The following FARSB variants were observed in gnomAD, a reference collection of about 807,000 sequenced individuals.
FARSB encodes phenylalanyl-tRNA synthetase subunit beta.
FARSB carries 40 observed loss-of-function variants against 69.6 expected under a neutral mutation model. That is an observed-to-expected ratio of 0.57 (90% CI 0.45 to 0.75). FARSB has a LOEUF of 0.75. FARSB is among the 30% of genes least tolerant of loss of function. The pLI is 0.00. For synonymous variants in FARSB, 235 were observed against 247.2 expected (o/e 0.95, Z 0.46); for missense variants, 632 against 722.9 (o/e 0.87, Z 1.44).
At chr2:222,602,643 T>C (rs1690593579) in intron 15 of FARSB, among the ~76,000 whole-genome samples, 1 of 151,766 alleles carries the variant, frequency 6.6e-6, no homozygotes, top group Non-Finnish European at 1.5e-5. Flanking sequence ...ATTATTATAC[T>C]TTAAGTTTTA....
intron 13 of FARSB, among the ~76,000 whole-genome samples, chr2:222,623,357 T>C (rs1002388771): frequency 6.6e-6 from 1 of 152,210 alleles, no homozygotes; most frequent in African/African-American, 2.4e-5. Context: ...ATAAATTTGG[T>C]TATGAAATAC....
Position 222,644,216 on chromosome 2 carries a change from C to T in FARSB, c.115-1211G>A, listed in dbSNP as rs1691791058. On this transcript the variant is annotated intron_variant, in intron 2 of 16. Coordinates refer to ENST00000281828, the MANE Select transcript of FARSB (RefSeq NM_005687.5). ...ATATGCAGAGAAATTCACTTCTGGC[C>T]ACGAGTATTATGTGCCAAAGTCCCA... Among the ~76,000 whole-genome samples, 3 of 152,194 alleles carry T rather than the reference C, an allele frequency of 2.0e-5. No homozygotes were observed. In the South Asian group the frequency reaches 6.2e-4, roughly 32 times the overall value.
intron 14 of FARSB, among the ~76,000 whole-genome samples, chr2:222,616,848 T>C (rs1272481647): frequency 6.6e-6 from 1 of 152,150 alleles, no homozygotes; most frequent in Non-Finnish European, 1.5e-5. Flanking sequence ...AACTTAACCA[T>C]AAATATAAAC....
At chr2:222,651,865 T>C (rs1482664631) in intron 1 of FARSB, among the ~76,000 whole-genome samples, 3 of 152,228 alleles carry the variant, frequency 2.0e-5, no homozygotes, top group Non-Finnish European at 4.4e-5. Flanking sequence ...GTAAAGCACA[T>C]GCTTTCTAGG....
At chr2:222,620,754 C>T (rs1691115794) in intron 13 of FARSB, among the ~76,000 whole-genome samples, 1 of 152,154 alleles carries the variant, frequency 6.6e-6, no homozygotes, top group African/African-American at 2.4e-5. Context: ...GTACTATTGT[C>T]CAATGTTAGG....
chr2:222,642,375 T>C (rs1233080382), intron 3 of FARSB, among the ~76,000 whole-genome samples: 2 of 152,214 alleles, frequency 1.3e-5, no homozygotes, highest in Admixed American at 1.3e-4. Context: ...AAATTGAAAC[T>C]AGAGAGGCCA....
intron 16 of FARSB, among the ~76,000 whole-genome samples, chr2:222,589,708 T>C (rs926633513): frequency 1.3e-5 from 2 of 152,078 alleles, no homozygotes; most frequent in Admixed American, 1.3e-4. Flanking sequence ...GCGAAGGATA[T>C]CAACATGTAC....
At chr2:222,655,934 A>T in intron 1 of FARSB, 82 bp downstream of exon 1, 3 of 1,146,182 alleles carry the variant, frequency 2.6e-6, no homozygotes, top group Non-Finnish European at 3.8e-6. Flanking sequence ...GGAAGGCATG[A>T]ATGTCGCCAC....
At chr2:222,594,045 C>A (rs1690345733) in intron 16 of FARSB, among the ~76,000 whole-genome samples, 1 of 137,202 alleles carries the variant, frequency 7.3e-6, no homozygotes, top group Non-Finnish European at 1.5e-5. Context: ...TTGTTTGATA[C>A]CGGGAGCTTA....
At chr2:222,644,814 A>G (rs1261343061) in intron 2 of FARSB, among the ~76,000 whole-genome samples, 2 of 152,166 alleles carry the variant, frequency 1.3e-5, no homozygotes, top group Admixed American at 1.3e-4. Context: ...AATTAAAATA[A>G]TATACTATAA....
chr2:222,647,972 T>C (rs1320481995), intron 2 of FARSB, among the ~76,000 whole-genome samples: 1 of 152,144 alleles, frequency 6.6e-6, no homozygotes, highest in Admixed American at 6.5e-5. Flanking sequence ...GGGCTGGTTT[T>C]TTCCTAAGTT....
chr2:222,639,301 C>G (rs1351664394), intron 5 of FARSB, among the ~76,000 whole-genome samples: 2 of 152,200 alleles, frequency 1.3e-5, no homozygotes, highest in African/African-American at 4.8e-5. Flanking sequence ...TAATTCTTCT[C>G]TATACAGTAT....
rs758858108 is a variant in FARSB, at chr2:222,623,716, C to T, written c.1185G>A (p.Lys395=). ...YTIANQFPLN[K]LTELLRHDMA... ...TGTCATGTCGGAGAAGTTCAGTGAG[C>T]TTATTAAGAGGAAACTGAAAAAAAA... The change falls in exon 13 of 17, where the codon AAG becomes AAA. Residue 395 remains lysine, a synonymous_variant. Coordinates refer to ENST00000281828, the MANE Select transcript of FARSB (RefSeq NM_005687.5). The T allele has an allele frequency of 2.5e-6, 4 of 1,606,578 alleles. No homozygotes were observed. The Admixed American group carries it at 5.0e-5, about 20-fold the overall frequency.
At chr2:222,605,050 A>G in intron 15 of FARSB, among the ~76,000 whole-genome samples, 1 of 152,198 alleles carries the variant, frequency 6.6e-6, no homozygotes. Context: ...GAAATTTGGT[A>G]TCTAAAAGCT....
intron 16 of FARSB, among the ~76,000 whole-genome samples, chr2:222,590,114 C>T (rs531407888): frequency 2.6e-5 from 4 of 152,188 alleles, no homozygotes; most frequent in African/African-American, 9.6e-5. Context: ...TGGAACCAAC[C>T]CAAATGTCCA....
intron 16 of FARSB, among the ~76,000 whole-genome samples, chr2:222,586,658 A>C (rs1364943178): frequency 6.6e-6 from 1 of 152,178 alleles, no homozygotes; most frequent in Non-Finnish European, 1.5e-5. Context: ...AAAGGGATGG[A>C]GGAAGATCTA....
intron 3 of FARSB, among the ~76,000 whole-genome samples, chr2:222,642,557 G>A (rs535781828): frequency 1.3e-5 from 2 of 152,272 alleles, no homozygotes; most frequent in Non-Finnish European, 1.5e-5. Flanking sequence ...ATTAGATCAC[G>A]GAGGGGAATC....
intron 1 of FARSB, among the ~76,000 whole-genome samples, chr2:222,655,202 AT>A (rs1692140057): frequency 6.6e-6 from 1 of 151,608 alleles, no homozygotes; most frequent in African/African-American, 2.4e-5. Context: ...AAAAATAAAA[AT>A]AAAAAAAAAA....
Position 222,600,084 on chromosome 2 carries a change from C to G in FARSB, c.1463-1G>C. 1 of 1,602,888 alleles carries G rather than the reference C, an allele frequency of 6.2e-7. No homozygotes were observed. Among genetic ancestry groups the G allele is most frequent in the Non-Finnish European group, 8.5e-7 (1 of 1,177,194 alleles). ...TGTCTGTAGTTTTTTGCACCTACAT[C>G]TAGAAAAATAAAGGAACTGGTCACA... On this transcript the variant is annotated splice_acceptor_variant, in intron 15 of 16. Transcript: ENST00000281828. LOFTEE classifies it high-confidence loss of function.
Sources: gnomAD v4.1 joint callset for allele counts (sites outside exome capture counted in the v4.1 genomes callset) on GRCh38, gnomAD v4.1.1 for gene constraint, MANE v1.5 for transcripts, NCBI Gene and HGNC (gene_info 2026-07-23, HGNC 2026-07-21) for gene names.